Variants in COL14A1 observed in about 807,000 individuals in gnomAD.
COL14A1 encodes collagen alpha-1(XIV) chain.
COL14A1 carries 136 observed loss-of-function variants against 230.3 expected under a neutral mutation model. That is an observed-to-expected ratio of 0.59 (90% CI 0.51 to 0.68). COL14A1 has a LOEUF of 0.68. Among genes scored for constraint, COL14A1 ranks in the 30% least tolerant of loss-of-function variants. The probability of loss-of-function intolerance (pLI) is 0.00; values close to 1 mark genes in which losing one functional copy is unlikely to be tolerated. For missense variants in COL14A1, 1,976 were observed against 2,215.8 expected (o/e 0.89, Z 2.17); for synonymous variants, 792 against 784.1 (o/e 1.01, Z -0.17).
At chr8:120,125,776 T>A (rs1814313312) in intron 1 of COL14A1, among the ~76,000 whole-genome samples, 1 of 152,062 alleles carries the variant, frequency 6.6e-6, no homozygotes, top group African/African-American at 2.4e-5. Flanking sequence ...GAACACGCTG[T>A]TTTTATTTAT....
intron 5 of COL14A1, among the ~76,000 whole-genome samples, chr8:120,195,405 TA>T (rs1388177727): frequency 2.6e-5 from 4 of 152,144 alleles, no homozygotes; most frequent in African/African-American, 9.7e-5. Flanking sequence ...CACACACACT[TA>T]ATGATCTCTA....
intron 13 of COL14A1, among the ~76,000 whole-genome samples, chr8:120,215,084 T>A (rs574414363): frequency 6.6e-6 from 1 of 152,246 alleles, no homozygotes; most frequent in South Asian, 2.1e-4. Context: ...TAAAGACCAT[T>A]CTAGGCTTGC....
intron 5 of COL14A1, among the ~76,000 whole-genome samples, chr8:120,189,270 G>A (rs772750878): frequency 1.7e-4 from 26 of 152,094 alleles, no homozygotes; most frequent in Admixed American, 7.2e-4. Flanking sequence ...AGCCATTAGG[G>A]TTCATTGTGT....
chr8:120,222,778 A>T (rs957372446), intron 14 of COL14A1, among the ~76,000 whole-genome samples: 1 of 152,016 alleles, frequency 6.6e-6, no homozygotes, highest in South Asian at 2.1e-4. Context: ...ACTCAAAAAA[A>T]AATAATTCAA....
chr8:120,168,104 A>G, intron 4 of COL14A1, 57 bp from the exon 5 acceptor site: 1 of 1,239,136 alleles, frequency 8.1e-7, no homozygotes, highest in South Asian at 1.4e-5. Flanking sequence ...AAACTCACTG[A>G]ATATTTTCTT....
intron 40 of COL14A1, among the ~76,000 whole-genome samples, chr8:120,322,995 T>C (rs1821512281): frequency 6.6e-6 from 1 of 152,238 alleles, no homozygotes; most frequent in South Asian, 2.1e-4. Context: ...TCCACAATGG[T>C]TGAACTAGTT....
chr8:120,299,342 A>G (rs559130288), intron 35 of COL14A1, among the ~76,000 whole-genome samples: 1 of 152,222 alleles, frequency 6.6e-6, no homozygotes, highest in South Asian at 2.1e-4. Flanking sequence ...TTCTTCACCA[A>G]AATAAGTTTC....
intron 2 of COL14A1, among the ~76,000 whole-genome samples, chr8:120,157,891 C>CAGAG (rs1815532753): frequency 6.6e-6 from 1 of 152,126 alleles, no homozygotes; most frequent in African/African-American, 2.4e-5. Flanking sequence ...GAGGCTGAGG[C>CAGAG]AGAGAATTGT....
chr8:120,197,984 T>A, intron 7 of COL14A1, 54 bp downstream of exon 7: 1 of 1,567,226 alleles, frequency 6.4e-7, no homozygotes. Flanking sequence ...AGAATAATTG[T>A]ATTACCTCAT....
At chr8:120,303,997 A>T (rs750056183) in intron 36 of COL14A1, among the ~76,000 whole-genome samples, 1 of 152,050 alleles carries the variant, frequency 6.6e-6, no homozygotes, top group Non-Finnish European at 1.5e-5. Context: ...GAATTTATCC[A>T]TCTCTTCTAG....
chr8:120,146,582 CAGTT>C (rs1480116526), intron 1 of COL14A1, among the ~76,000 whole-genome samples: 2 of 152,088 alleles, frequency 1.3e-5, no homozygotes, highest in East Asian at 3.9e-4. Flanking sequence ...ATATGACACT[CAGTT>C]AAATTTTAAT....
At chr8:120,224,547 C>G (rs1225045065) in intron 14 of COL14A1, among the ~76,000 whole-genome samples, 4 of 152,210 alleles carry the variant, frequency 2.6e-5, no homozygotes, top group Admixed American at 2.6e-4. Flanking sequence ...CCCTTGATCT[C>G]CATTCCTTGG....
intron 5 of COL14A1, among the ~76,000 whole-genome samples, chr8:120,190,560 C>A (rs1816788445): frequency 6.6e-6 from 1 of 152,118 alleles, no homozygotes; most frequent in South Asian, 2.1e-4. Flanking sequence ...AGTCCTTGCC[C>A]ATGCCTGTGT....
intron 11 of COL14A1, among the ~76,000 whole-genome samples, 161 bp downstream of exon 11, chr8:120,208,522 T>C (rs188300624): frequency 2.4e-3 from 366 of 152,314 alleles, no homozygotes; most frequent in African/African-American, 8.3e-3. Flanking sequence ...TACTGGTCCA[T>C]GCTTGATATA....
At chr8:120,210,885 G>A (rs934466094) in intron 12 of COL14A1, among the ~76,000 whole-genome samples, 1 of 151,700 alleles carries the variant, frequency 6.6e-6, no homozygotes, top group East Asian at 1.9e-4. Context: ...TTGTCTATTT[G>A]AATTTAAAGT....
intron 38 of COL14A1, 136 bp downstream of exon 38, chr8:120,314,163 A>T (rs1291976596): frequency 1.6e-6 from 1 of 617,586 alleles, no homozygotes; most frequent in East Asian, 3.0e-5. Context: ...GTGTCATTTC[A>T]CTAGTTGTGC....
In COL14A1 at chr8:120,249,580, G is replaced by A. The variant is rs558631005; in HGVS notation, c.2603-1037G>A. ...ACAAAAAGCTTTATTTTAGGCCAGC[G>A]GTTCTCAGTTGATGTCATTTGCTCC... On this transcript the variant is annotated intron_variant, in intron 21 of 47. Transcript: ENST00000297848. Among the ~76,000 whole-genome samples the A allele has an allele frequency of 1.1e-4, 16 of 152,234 alleles. No individual in the cohort carries two copies. In the South Asian group the frequency reaches 2.9e-3, roughly 28 times the overall value.
Position 120,332,068 on chromosome 8 carries a change from G to T in COL14A1, c.4660-73G>T, listed in dbSNP as rs1432735860. 4 of 1,298,158 alleles carry T rather than the reference G, an allele frequency of 3.1e-6. No homozygotes were observed. In the African/African-American group the frequency reaches 4.4e-5, roughly 14 times the overall value. 80.4% of individuals were successfully genotyped at this position (1,298,158 alleles called of 1,614,324 possible). On this transcript the variant is annotated intron_variant, in intron 40 of 47. Coordinates refer to ENST00000297848, the MANE Select transcript of COL14A1 (RefSeq NM_021110.4). The stretch of plus-strand genomic sequence containing the variant: ...AGGACTTGACCCCCAAACATGAAAA[G>T]GAACTAAATGAGCCCATTCTGAAAG...
At position 120,342,438 on chromosome 8, in the gene COL14A1, T is replaced by C. The variant is rs747848972; in HGVS notation, c.4880T>C (p.Leu1627Pro). 1.9e-6 allele frequency: 3 copies of C among 1,613,854 alleles called. No homozygotes were observed. The South Asian group carries it at 3.3e-5, about 18-fold the overall frequency. Residue 1627 changes from leucine to proline, a missense_variant, in exon 44 of 48, where the codon CTC (leucine) becomes CCC (proline). By Grantham distance (98) the Leu-to-Pro change is moderately conservative. This residue lies in a region of COL14A1 where 1,791 missense variants were observed against 2,019.5 expected (regional missense o/e 0.89). Coordinates refer to ENST00000297848, the MANE Select transcript of COL14A1 (RefSeq NM_021110.4). ...RSVARQVCEQ[L>P]IQSHMARYTA... is the part of the protein sequence containing the mutation. ...GTGGCGCGTCAAGTATGCGAACAGC[T>C]CATCCAGAGTAAGTATGTAATGGTT...
Sources: allele counts gnomAD v4.1 joint callset (sites outside exome capture counted in the v4.1 genomes callset), GRCh38; gene constraint gnomAD v4.1.1; regional missense constraint gnomAD v4.1.1; transcripts MANE v1.5; gene names NCBI Gene and HGNC (gene_info 2026-07-23, HGNC 2026-07-21).